Variants in NPAS3 observed in about 807,000 individuals in gnomAD.
NPAS3 encodes the protein neuronal PAS domain protein 3.
Under a neutral mutation model 73.1 loss-of-function variants are expected in NPAS3, and 14 were observed. The observed-to-expected ratio is 0.19, with a 90% CI of 0.13 to 0.30. The LOEUF (loss-of-function observed/expected upper bound fraction) is 0.30, where lower values mean the gene tolerates loss of function less well. Ranked by LOEUF, NPAS3 falls within the 10% of genes least tolerant of loss-of-function variation. The pLI is 1.00. For missense variants in NPAS3, 1,096 were observed against 1,250.0 expected (o/e 0.88, Z 1.86); for synonymous variants, 620 against 541.5 (o/e 1.14, Z -2.01).
At chr14:33,025,315 G>A (rs1253851011) in intron 1 of NPAS3, among the ~76,000 whole-genome samples, 1 of 152,144 alleles carries the variant, frequency 6.6e-6, no homozygotes, top group Non-Finnish European at 1.5e-5. Flanking sequence ...TTAAAAATGG[G>A]AATATCAGGA....
Position 33,513,005 on chromosome 14 carries a change from G to A in NPAS3, c.469-47116G>A, listed in dbSNP as rs141509679. Among the ~76,000 whole-genome samples the A allele has an allele frequency of 2.7e-4, 41 of 152,140 alleles. No homozygotes were observed. In the Middle Eastern group the frequency reaches 0.01, roughly 38 times the overall value. Reference sequence around the variant, plus strand: ...TTGCAATTTTGATGCTCTTTCTCCAGCAATAAGAAGTTTTACCTCGAATTC... The same window carrying A: ...TTGCAATTTTGATGCTCTTTCTCCAACAATAAGAAGTTTTACCTCGAATTC... On this transcript the variant is annotated intron_variant, in intron 4 of 11. Transcript: ENST00000356141.
chr14:33,473,708 C>A (rs2050893102), intron 4 of NPAS3, among the ~76,000 whole-genome samples: 1 of 152,140 alleles, frequency 6.6e-6, no homozygotes, highest in Non-Finnish European at 1.5e-5. Flanking sequence ...AGAAAGTTTT[C>A]TGGAAGGAGT....
At chr14:33,668,780 C>G (rs1431446201) in intron 5 of NPAS3, among the ~76,000 whole-genome samples, 3 of 152,198 alleles carry the variant, frequency 2.0e-5, no homozygotes, top group Non-Finnish European at 2.9e-5. Context: ...GATCATGCCA[C>G]TGCACTCCAA....
intron 4 of NPAS3, among the ~76,000 whole-genome samples, chr14:33,429,164 A>C (rs1341629682): frequency 6.6e-6 from 1 of 152,154 alleles, no homozygotes; most frequent in African/African-American, 2.4e-5. Context: ...TTAAAAATAA[A>C]TAGGTAGATG....
chr14:33,694,321 A>T (rs916331888), intron 6 of NPAS3, among the ~76,000 whole-genome samples: 1 of 152,210 alleles, frequency 6.6e-6, no homozygotes, highest in Non-Finnish European at 1.5e-5. Context: ...TTGACAACAA[A>T]ACTGATCTAA....
intron 2 of NPAS3, among the ~76,000 whole-genome samples, chr14:33,134,475 G>A (rs1042871695): frequency 6.6e-6 from 1 of 152,008 alleles, no homozygotes; most frequent in Non-Finnish European, 1.5e-5. Flanking sequence ...TATCTAAATG[G>A]TTTTTTCACG....
intron 4 of NPAS3, among the ~76,000 whole-genome samples, chr14:33,487,685 G>T (rs936446037): frequency 1.5e-4 from 23 of 152,134 alleles, no homozygotes; most frequent in Admixed American, 1.2e-3. Flanking sequence ...GAACATCTAG[G>T]TTCTATCATA....
intron 2 of NPAS3, among the ~76,000 whole-genome samples, chr14:33,096,533 G>T (rs1474330713): frequency 6.6e-6 from 1 of 152,090 alleles, no homozygotes; most frequent in Non-Finnish European, 1.5e-5. Flanking sequence ...GTTAACTCAG[G>T]GTTTGTCAGT....
At chr14:33,297,621 A>G (rs1040430273) in intron 3 of NPAS3, among the ~76,000 whole-genome samples, 3 of 152,206 alleles carry the variant, frequency 2.0e-5, no homozygotes, top group African/African-American at 7.2e-5. Context: ...ATGCACACAC[A>G]CAAAAAAACC....
chr14:33,007,514 G>A (rs925267434), intron 1 of NPAS3, among the ~76,000 whole-genome samples: 2 of 152,158 alleles, frequency 1.3e-5, no homozygotes, highest in African/African-American at 4.8e-5. Flanking sequence ...AGGATCCAAA[G>A]CAGATTTGGC....
chr14:33,797,142 C>T (rs1395157715), intron 10 of NPAS3, among the ~76,000 whole-genome samples: 1 of 152,190 alleles, frequency 6.6e-6, no homozygotes, highest in Non-Finnish European at 1.5e-5. Flanking sequence ...TACTTCTCAT[C>T]CTCCCTTCCC....
intron 4 of NPAS3, among the ~76,000 whole-genome samples, chr14:33,542,226 G>C (rs1347582309): frequency 6.6e-6 from 1 of 152,146 alleles, no homozygotes; most frequent in Non-Finnish European, 1.5e-5. Flanking sequence ...CAACGTTTAG[G>C]CAGGGTCTTT....
At chr14:33,412,064 T>C (rs1251146147) in intron 4 of NPAS3, among the ~76,000 whole-genome samples, 4 of 152,194 alleles carry the variant, frequency 2.6e-5, no homozygotes, top group South Asian at 2.1e-4. Context: ...TTTTTAATCA[T>C]AGCAGAAACA....
At chr14:32,982,793 G>A (rs1309794752) in intron 1 of NPAS3, among the ~76,000 whole-genome samples, 1 of 152,178 alleles carries the variant, frequency 6.6e-6, no homozygotes. Flanking sequence ...GGTAAAACCC[G>A]TATCACTCAA....
At chr14:33,550,401 C>T (rs1224027267) in intron 4 of NPAS3, among the ~76,000 whole-genome samples, 1 of 152,182 alleles carries the variant, frequency 6.6e-6, no homozygotes, top group African/African-American at 2.4e-5. Context: ...CCATCAAGAG[C>T]GTCACTGATG....
At chr14:33,626,881 G>A (rs1353477356) in intron 5 of NPAS3, among the ~76,000 whole-genome samples, 1 of 152,160 alleles carries the variant, frequency 6.6e-6, no homozygotes, top group Non-Finnish European at 1.5e-5. Context: ...CATGAAGTGG[G>A]AGTGGAGCTT....
At chr14:33,719,196 T>G (rs2061038474) in intron 6 of NPAS3, among the ~76,000 whole-genome samples, 1 of 152,162 alleles carries the variant, frequency 6.6e-6, no homozygotes, top group Admixed American at 6.5e-5. Context: ...CCAACTCCCA[T>G]GGACACTGCT....
chr14:33,598,802 A>G (rs2057318696), intron 5 of NPAS3, among the ~76,000 whole-genome samples: 1 of 152,228 alleles, frequency 6.6e-6, no homozygotes, highest in Non-Finnish European at 1.5e-5. Flanking sequence ...CATTAAATTA[A>G]CCATGAGTTA....
chr14:33,352,121 C>A (rs1448249993), intron 3 of NPAS3, among the ~76,000 whole-genome samples: 1 of 152,104 alleles, frequency 6.6e-6, no homozygotes, highest in Non-Finnish European at 1.5e-5. Context: ...GGGAAAGGAG[C>A]TAATGTTTAG....
Sources: gnomAD v4.1 joint callset for allele counts (sites outside exome capture counted in the v4.1 genomes callset) on GRCh38, gnomAD v4.1.1 for gene constraint, MANE v1.5 for transcripts, NCBI Gene and HGNC (gene_info 2026-07-23, HGNC 2026-07-21) for gene names.